The following SHISA9 variants were observed in gnomAD, a reference collection of about 807,000 sequenced individuals.
The protein encoded by SHISA9 is shisa family member 9.
SHISA9 carries 13 observed loss-of-function variants against 38.0 expected under a neutral mutation model. The observed-to-expected ratio is 0.34, with a 90% CI of 0.22 to 0.54. SHISA9 has a LOEUF of 0.54. Among genes scored for constraint, SHISA9 ranks in the 20% least tolerant of loss-of-function variants. SHISA9 has a pLI of 0.91. For synonymous variants in SHISA9, 275 were observed against 242.0 expected, an observed-to-expected ratio of 1.14 and a Z score of -1.27; for missense variants, 538 against 575.8, an observed-to-expected ratio of 0.93 and a Z score of 0.67.
At chr16:13,367,720 A>T in the SHISA9 span, among the ~76,000 whole-genome samples, 1 of 131,768 alleles carries the variant, frequency 7.6e-6, no homozygotes, top group African/African-American at 3.2e-5. Flanking sequence ...GCGCACACAC[A>T]CACACACACA....
chr16:13,287,352 G>A, the SHISA9 span, among the ~76,000 whole-genome samples: 1 of 152,174 alleles, frequency 6.6e-6, no homozygotes, highest in Admixed American at 6.5e-5. Flanking sequence ...TGTCGCTTAT[G>A]TGCGAATCTG....
At chr16:12,906,562 T>C (rs1024235469) in intron 1 of SHISA9, among the ~76,000 whole-genome samples, 7 of 152,214 alleles carry the variant, frequency 4.6e-5, no homozygotes, top group African/African-American at 1.7e-4. Flanking sequence ...AATAAATGAC[T>C]GCACATGGCA....
chr16:13,478,146 C>A, the SHISA9 span, among the ~76,000 whole-genome samples: 1 of 152,098 alleles, frequency 6.6e-6, no homozygotes, highest in East Asian at 1.9e-4. Flanking sequence ...AAGGAACCTG[C>A]CGGGGAAACA....
the SHISA9 span, among the ~76,000 whole-genome samples, chr16:13,482,501 A>T: frequency 1.8e-3 from 271 of 152,290 alleles, no homozygotes; most frequent in Middle Eastern, 0.01. Context: ...TCTTAAAGAG[A>T]TTAAGAGACA....
chr16:13,155,203 G>T (rs887436026), intron 2 of SHISA9, among the ~76,000 whole-genome samples: 1 of 152,202 alleles, frequency 6.6e-6, no homozygotes, highest in African/African-American at 2.4e-5. Context: ...GGATGAGTTG[G>T]ACTTTAAATG....
intron 2 of SHISA9, among the ~76,000 whole-genome samples, chr16:12,929,152 A>C (rs1382169062): frequency 2.0e-5 from 3 of 152,202 alleles, no homozygotes; most frequent in African/African-American, 7.2e-5. Context: ...GATGCTGGCG[A>C]GGTTGAGGAG....
intron 2 of SHISA9, among the ~76,000 whole-genome samples, chr16:13,200,099 G>A (rs916628706): frequency 2.0e-5 from 3 of 152,216 alleles, no homozygotes. Flanking sequence ...CATTCAATAC[G>A]ATTTACCAGA....
At chr16:13,254,467 G>A in the SHISA9 span, among the ~76,000 whole-genome samples, 1 of 152,202 alleles carries the variant, frequency 6.6e-6, no homozygotes, top group African/African-American at 2.4e-5. Context: ...GTCTCTCTGG[G>A]AACAGAGTTT....
At chr16:12,916,589 A>G in intron 1 of SHISA9, 99 bp from the exon 2 acceptor site, 9 of 1,383,666 alleles carry the variant, frequency 6.5e-6, no homozygotes, top group Non-Finnish European at 7.7e-6. Context: ...CCATGGAGTA[A>G]TCCGCCTTGC....
chr16:13,497,679 C>T, the SHISA9 span, among the ~76,000 whole-genome samples: 175 of 122,890 alleles, frequency 1.4e-3, 1 homozygote, highest in Non-Finnish European at 1.9e-3. Context: ...AGTGACACTC[C>T]GTCTCCAAAA....
chr16:13,357,409 G>A, the SHISA9 span, among the ~76,000 whole-genome samples: 2 of 152,152 alleles, frequency 1.3e-5, no homozygotes, highest in African/African-American at 2.4e-5. Flanking sequence ...GGAGAAGAGA[G>A]TAAAAAGAGG....
At chr16:13,503,158 T>C in the SHISA9 span, among the ~76,000 whole-genome samples, 1 of 152,098 alleles carries the variant, frequency 6.6e-6, no homozygotes, top group Non-Finnish European at 1.5e-5. Context: ...AAAGCAAAAG[T>C]CTTGAATCAG....
chr16:13,247,346 C>G, the SHISA9 span, among the ~76,000 whole-genome samples: 9 of 152,284 alleles, frequency 5.9e-5, no homozygotes, highest in Admixed American at 5.2e-4. Flanking sequence ...AACTTCTACT[C>G]TATGCTAGGA....
intron 2 of SHISA9, among the ~76,000 whole-genome samples, chr16:13,082,192 G>A (rs1323139725): frequency 1.3e-5 from 2 of 152,206 alleles, no homozygotes; most frequent in African/African-American, 2.4e-5. Flanking sequence ...CCTTGAGAAC[G>A]CAGAATAGAG....
At chr16:12,951,635 G>A (rs2071758750) in intron 2 of SHISA9, among the ~76,000 whole-genome samples, 1 of 152,170 alleles carries the variant, frequency 6.6e-6, no homozygotes, top group African/African-American at 2.4e-5. Flanking sequence ...GATGGCGGTG[G>A]GGGAGGGGTG....
At chr16:13,266,180 G>A in the SHISA9 span, among the ~76,000 whole-genome samples, 3 of 152,098 alleles carry the variant, frequency 2.0e-5, no homozygotes, top group Non-Finnish European at 2.9e-5. Flanking sequence ...CAATGTCCCC[G>A]CATCTCTTCT....
chr16:13,194,281 TTGTATTAC>T (rs2050916027), intron 2 of SHISA9, among the ~76,000 whole-genome samples: 1 of 152,210 alleles, frequency 6.6e-6, no homozygotes. Flanking sequence ...TGACTTCACA[TTGTATTAC>T]TGTCTGGCTG....
At chr16:13,368,213 T>C in the SHISA9 span, among the ~76,000 whole-genome samples, 1 of 152,128 alleles carries the variant, frequency 6.6e-6, no homozygotes, top group African/African-American at 2.4e-5. Context: ...ATTGTAGGGA[T>C]GATTTTGTAA....
In SHISA9 at chr16:13,067,051, G is replaced by A. The variant is rs74538556; in HGVS notation, c.692-136343G>A. On this transcript the variant is annotated intron_variant, in intron 2 of 4. Transcript: ENST00000558583. Reference sequence around the variant, plus strand: ...ATTAGGGTGGATGTTCAAATAGGAAGGAACTGTGGGAGCTAGTGCCTGGGG... The same window carrying A: ...ATTAGGGTGGATGTTCAAATAGGAAAGAACTGTGGGAGCTAGTGCCTGGGG... 8.1e-3 allele frequency among the ~76,000 whole-genome samples: 1,231 copies of A among 152,296 alleles called. 16 individuals carry two copies. The highest frequency in any genetic ancestry group is 0.027 in the African/African-American group (1,122 of 41,570).
Sources: allele counts gnomAD v4.1 joint callset (sites outside exome capture counted in the v4.1 genomes callset), GRCh38; gene constraint gnomAD v4.1.1; transcripts MANE v1.5; gene names NCBI Gene and HGNC (gene_info 2026-07-23, HGNC 2026-07-21).